Variants in LAMA4 observed in about 807,000 individuals in gnomAD.
The protein encoded by LAMA4 is laminin subunit alpha-4.
Under a neutral mutation model 207.1 loss-of-function variants are expected in LAMA4, and 127 were observed. The observed-to-expected ratio is 0.61, with a 90% CI of 0.53 to 0.71. The LOEUF (loss-of-function observed/expected upper bound fraction) is 0.71. LAMA4 is among the 30% of genes least tolerant of loss of function. The pLI, the probability that LAMA4 is intolerant of heterozygous loss-of-function variation, is 0.00. For synonymous variants in LAMA4, 761 were observed against 816.0 expected (o/e 0.93, Z 1.15); for missense variants, 2,093 against 2,246.5 (o/e 0.93, Z 1.38).
At position 112,175,469 on chromosome 6, in the gene LAMA4, T is replaced by C. The variant is rs1285637292; in HGVS notation, c.1201A>G (p.Lys401Glu). The change falls in exon 11 of 39, where the codon AAG (lysine) becomes GAG (glutamate). Residue 401 changes from lysine to glutamate, a missense_variant. By Grantham distance (56) the Lys-to-Glu change is moderately conservative. Coordinates refer to ENST00000230538, the MANE Select transcript of LAMA4 (RefSeq NM_001105206.3). ...TGCTCTTCCCCATAATAGAGCATCT[T>C]GTTGTTGATCTCTGAAAGGAAGAAC... ...MRDKIQEINN[K>E]MLYYGEEHEL... is the part of the protein sequence containing the mutation. 11 of 1,614,178 alleles carry C rather than the reference T, an allele frequency of 6.8e-6. No homozygotes were observed. Among genetic ancestry groups the C allele is most frequent in the Non-Finnish European group, 9.3e-6 (11 of 1,180,004 alleles).
intron 8 of LAMA4, chr6:112,186,933 G>A (rs939955984): frequency 9.7e-5 from 44 of 452,614 alleles, no homozygotes; most frequent in African/African-American, 8.8e-4. Flanking sequence ...AGGTGTGTGT[G>A]AATGTCTGCG....
chr6:112,140,635 C>A, intron 22 of LAMA4, 125 bp downstream of exon 22: 1 of 839,598 alleles, frequency 1.2e-6, no homozygotes, highest in South Asian at 1.5e-5. Context: ...GTTCAGAATT[C>A]TACTCCCCCA....
chr6:112,175,771 T>C (rs1554343538), intron 10 of LAMA4, among the ~76,000 whole-genome samples: 1 of 152,240 alleles, frequency 6.6e-6, no homozygotes, highest in African/African-American at 2.4e-5. Flanking sequence ...CTCATCCTCA[T>C]CTGGTTTCCA....
Position 112,159,361 on chromosome 6 carries a change from C to A in LAMA4, c.1669-481G>T, listed in dbSNP as rs187175291. 7.6e-4 allele frequency: 130 copies of A among 169,966 alleles called. 1 individual carries two copies. The highest frequency in any genetic ancestry group is 3.0e-3 in the African/African-American group (126 of 41,644). The allele number at this position is 169,966 out of a possible 1,614,324, so 10.5% of individuals were successfully genotyped here. On this transcript the variant is annotated intron_variant, in intron 13 of 38. Coordinates refer to ENST00000230538, the MANE Select transcript of LAMA4 (RefSeq NM_001105206.3). ...CATCTAAGTTACTAAATCTAATGGA[C>A]ATCATTCAGTTTTCATCTGACCTTT...
intron 9 of LAMA4, among the ~76,000 whole-genome samples, chr6:112,184,222 T>A (rs1302854391): frequency 5.3e-5 from 8 of 152,008 alleles, no homozygotes; most frequent in African/African-American, 9.7e-5. Flanking sequence ...TTTATTTTTT[T>A]AAAATTTTTG....
At chr6:112,246,811 T>G (rs1221872858) in intron 2 of LAMA4, among the ~76,000 whole-genome samples, 1 of 152,150 alleles carries the variant, frequency 6.6e-6, no homozygotes, top group Non-Finnish European at 1.5e-5. Context: ...TGAGCCACCG[T>G]GCCCAGCTGC....
rs573206205 is a variant in LAMA4 at position 112,136,274 on chromosome 6, G to A, written c.3283-20C>T. 5 of 1,586,582 alleles carry A rather than the reference G, an allele frequency of 3.2e-6. No individual in the cohort carries two copies. Among genetic ancestry groups the A allele is most frequent in the Non-Finnish European group, 4.3e-6 (5 of 1,157,256 alleles). On this transcript the variant is annotated intron_variant, in intron 24 of 38. Transcript: ENST00000230538. ...CATACTCTGAGGAGAGAAAGGAATTGTAAGATAGGAACATCTGTTATGCGA... is the reference window on the plus strand; with the variant it reads ...CATACTCTGAGGAGAGAAAGGAATTATAAGATAGGAACATCTGTTATGCGA...
chr6:112,193,484 C>T (rs1783237077), intron 5 of LAMA4, among the ~76,000 whole-genome samples: 1 of 150,560 alleles, frequency 6.6e-6, no homozygotes, highest in Non-Finnish European at 1.5e-5. Context: ...AAAAAAAAAT[C>T]ACATCTGTAA....
At chr6:112,148,057 C>T (rs568733375) in intron 18 of LAMA4, 100 bp downstream of exon 18, 2 of 1,235,050 alleles carry the variant, frequency 1.6e-6, no homozygotes, top group Non-Finnish European at 2.4e-6. Flanking sequence ...TTTTCGAATC[C>T]AAAACCCAAA....
At chr6:112,246,606 C>T (rs1261726568) in intron 2 of LAMA4, among the ~76,000 whole-genome samples, 5 of 151,754 alleles carry the variant, frequency 3.3e-5, no homozygotes, top group African/African-American at 7.3e-5. Flanking sequence ...CTGCAACCTC[C>T]GCCTCCCGAG....
At position 112,109,453 on chromosome 6, in the gene LAMA4, G is replaced by C; in HGVS notation, c.5456C>G (p.Ser1819Cys). The change falls in exon 39 of 39, where the codon TCC becomes TGC. Residue 1819 changes from serine (S) to cysteine (C), a missense_variant. Around this residue, in one of 3 missense-constraint regions of LAMA4, gnomAD observed 383 missense variants for 437.8 expected, o/e 0.87. Coordinates refer to ENST00000230538, the MANE Select transcript of LAMA4 (RefSeq NM_001105206.3). ...TCTGTCATGTCAGGCTGCTGGACAG[G>C]AGTTGATGCTTACGGCGCCGCTGAC... ...ALVSGAVSIN[S>C]CPAA 1 of 1,614,010 alleles carries C rather than the reference G, an allele frequency of 6.2e-7. No homozygotes were observed. Among genetic ancestry groups the C allele is most frequent in the Non-Finnish European group, 8.5e-7 (1 of 1,179,972 alleles).
intron 38 of LAMA4, among the ~76,000 whole-genome samples, chr6:112,110,631 T>TACA (rs1554321289): frequency 3.9e-5 from 6 of 152,234 alleles, no homozygotes; most frequent in Non-Finnish European, 8.8e-5. Flanking sequence ...TGACTATTCT[T>TACA]CAAGCCTGCT....
chr6:112,178,408 C>T, intron 9 of LAMA4, 176 bp from the exon 10 acceptor site: 2 of 616,406 alleles, frequency 3.2e-6, no homozygotes, highest in South Asian at 3.9e-5. Context: ...AATGTGATGG[C>T]CAGTTTTACT....
Position 112,253,681 on chromosome 6 carries a change from G to A in LAMA4, c.195+275C>T, listed in dbSNP as rs1787624982. On this transcript the variant is annotated intron_variant, in intron 2 of 38. Coordinates refer to ENST00000230538, the MANE Select transcript of LAMA4 (RefSeq NM_001105206.3). ...CACCGATGTGCTGCTGCAGTCCCCG[G>A]TGAGAGTCTAGCGGATGAACTCAGA... is the stretch of plus-strand genomic sequence containing the variant. The A allele has an allele frequency of 7.3e-6, 11 of 1,509,768 alleles. No individual in the cohort carries two copies. In the South Asian group the frequency reaches 1.0e-4, roughly 14 times the overall value. The allele number at this position is 1,509,768 out of a possible 1,614,324, so 93.5% of individuals were successfully genotyped here. A position where few individuals can be genotyped will look rare whatever the true frequency, so the allele number is the denominator to read the frequency against.
In LAMA4 at chr6:112,254,297, G is replaced by T; in HGVS notation, c.-141-6C>A. ...GGTGGCTGCGCAACCAGCAGCTTAG[G>T]AAATAAAGGGAAAGTGCGAGAGTAA... On this transcript the variant is annotated splice_polypyrimidine_tract_variant and splice_region_variant and intron_variant, in intron 1 of 38. Coordinates refer to ENST00000230538, the MANE Select transcript of LAMA4 (RefSeq NM_001105206.3). 1 of 919,396 alleles carries T rather than the reference G, an allele frequency of 1.1e-6. No homozygotes were observed. Among genetic ancestry groups the T allele is most frequent in the Non-Finnish European group, 1.7e-6 (1 of 583,802 alleles). 57.0% of individuals were successfully genotyped at this position (919,396 alleles called of 1,614,324 possible).
chr6:112,131,087 G>A lies in LAMA4; in HGVS notation c.3849C>T (p.Ser1283=). The change falls in exon 29 of 39, where the codon TCC becomes TCT. Residue 1283 remains serine, a synonymous_variant. Coordinates refer to ENST00000230538, the MANE Select transcript of LAMA4 (RefSeq NM_001105206.3). ...FYYASGSDVF[S]ISLDNGTVIM... is the part of the protein sequence containing the mutation. ...TGACAGTACCATTATCCAGTGAGAT[G>A]GAGAACACGTCTGACTGAAATGCAA... is the stretch of plus-strand genomic sequence containing the variant. The A allele has an allele frequency of 6.2e-7, 1 of 1,612,980 alleles. No homozygotes were observed. Among genetic ancestry groups the A allele is most frequent in the Non-Finnish European group, 8.5e-7 (1 of 1,179,126 alleles).
chr6:112,243,765 A>C (rs1786700266), intron 2 of LAMA4, among the ~76,000 whole-genome samples: 1 of 152,246 alleles, frequency 6.6e-6, no homozygotes, highest in Non-Finnish European at 1.5e-5. Flanking sequence ...CTAGTTCTAA[A>C]GCTAGGATGA....
At chr6:112,249,312 A>T (rs1287172377) in intron 2 of LAMA4, among the ~76,000 whole-genome samples, 1 of 151,858 alleles carries the variant, frequency 6.6e-6, no homozygotes, top group Non-Finnish European at 1.5e-5. Flanking sequence ...GCGTTGTGGC[A>T]TGTGCCTGTA....
chr6:112,180,500 G>A lies in LAMA4; in HGVS notation c.1078-2268C>T, dbSNP rs144505878. On this transcript the variant is annotated intron_variant, in intron 9 of 38. Coordinates refer to ENST00000230538, the MANE Select transcript of LAMA4 (RefSeq NM_001105206.3). Reference sequence around the variant, plus strand: ...TATAGGCACGTGGGAAAACAGGTGCGCCTCGGTTTAAGAAAAGCTGAAATT... The same window carrying A: ...TATAGGCACGTGGGAAAACAGGTGCACCTCGGTTTAAGAAAAGCTGAAATT... Among the ~76,000 whole-genome samples, 1,035 of 152,220 alleles carry A rather than the reference G, an allele frequency of 6.8e-3. 12 individuals are homozygous for A. The highest frequency in any genetic ancestry group is 0.011 in the Non-Finnish European group (777 of 68,008).
Sources: gnomAD v4.1 joint callset for allele counts (sites outside exome capture counted in the v4.1 genomes callset) on GRCh38, gnomAD v4.1.1 for gene constraint, gnomAD v4.1.1 regional missense constraint, MANE v1.5 for transcripts, NCBI Gene and HGNC (gene_info 2026-07-23, HGNC 2026-07-21) for gene names.